Variants in GABBR2 observed in about 807,000 individuals in gnomAD.
GABBR2 encodes the protein G-protein coupled receptor 51.
GABBR2 carries 23 observed loss-of-function variants against 105.6 expected under a neutral mutation model. That is an observed-to-expected ratio of 0.22 (90% CI 0.16 to 0.31). GABBR2 has a LOEUF of 0.31. GABBR2 is among the 10% of genes least tolerant of loss of function. GABBR2 has a pLI of 1.00. For missense variants in GABBR2, 734 were observed against 1,245.5 expected (o/e 0.59, Z 6.18); for synonymous variants, 478 against 499.7 (o/e 0.96, Z 0.58).
intron 1 of GABBR2, among the ~76,000 whole-genome samples, chr9:98,660,153 T>C (rs1273777266): frequency 6.6e-6 from 1 of 152,214 alleles, no homozygotes; most frequent in East Asian, 1.9e-4. Flanking sequence ...CAATTCTTTC[T>C]CCTCGAACAT....
chr9:98,647,134 A>G lies in GABBR2; in HGVS notation c.321+61283T>C, dbSNP rs7847773. On this transcript the variant is annotated intron_variant, in intron 1 of 18. Transcript: ENST00000259455. ...TGAACAAACACAGGTGAAGTGCTGG[A>G]CTTCTGGAGATGCTAGAGGACTAGG... Among the ~76,000 whole-genome samples, 189 of 152,324 alleles carry G rather than the reference A, an allele frequency of 1.2e-3. 2 individuals are homozygous for G. The highest frequency in any genetic ancestry group is 4.4e-3 in the African/African-American group (182 of 41,572).
intron 1 of GABBR2, among the ~76,000 whole-genome samples, chr9:98,707,619 T>C (rs1830914171): frequency 6.6e-6 from 1 of 152,320 alleles, no homozygotes; most frequent in East Asian, 1.9e-4. Context: ...AAGTCTGTGC[T>C]CCGGCTGCTA....
At chr9:98,600,465 G>A (rs1291811732) in intron 1 of GABBR2, among the ~76,000 whole-genome samples, 1 of 152,180 alleles carries the variant, frequency 6.6e-6, no homozygotes, top group Non-Finnish European at 1.5e-5. Context: ...CCCCTAAAAT[G>A]TGGTCAGTGT....
chr9:98,478,332 G>C (rs1385812158), intron 5 of GABBR2, among the ~76,000 whole-genome samples: 2 of 152,044 alleles, frequency 1.3e-5, no homozygotes, highest in Non-Finnish European at 2.9e-5. Context: ...TATCAGTCTT[G>C]ATCCAGCGTG....
intron 1 of GABBR2, among the ~76,000 whole-genome samples, chr9:98,578,784 G>C (rs370943743): frequency 9.9e-5 from 15 of 152,208 alleles, no homozygotes; most frequent in African/African-American, 3.1e-4. Flanking sequence ...GCCTGGAAAA[G>C]GAAGGAAATT....
intron 2 of GABBR2, among the ~76,000 whole-genome samples, chr9:98,568,764 G>A (rs1399564762): frequency 6.6e-6 from 1 of 152,186 alleles, no homozygotes; most frequent in Non-Finnish European, 1.5e-5. Flanking sequence ...AGACTTCTCT[G>A]TCCTGAAAAC....
chr9:98,528,006 C>T (rs1466903329), intron 3 of GABBR2, among the ~76,000 whole-genome samples: 1 of 152,080 alleles, frequency 6.6e-6, no homozygotes, highest in East Asian at 1.9e-4. Flanking sequence ...CGCTTGAAAT[C>T]CTAATGACAC....
chr9:98,584,052 G>A (rs1312723895), intron 1 of GABBR2, among the ~76,000 whole-genome samples: 1 of 152,188 alleles, frequency 6.6e-6, no homozygotes, highest in African/African-American at 2.4e-5. Context: ...GGTTTTTGAT[G>A]AATTGCTCTC....
At chr9:98,373,761 AG>A (rs1831825145) in intron 11 of GABBR2, among the ~76,000 whole-genome samples, 1 of 152,180 alleles carries the variant, frequency 6.6e-6, no homozygotes, top group Non-Finnish European at 1.5e-5. Flanking sequence ...AAAAGGACAA[AG>A]ATGAAGTAAT....
chr9:98,672,236 G>A (rs764467266), intron 1 of GABBR2, among the ~76,000 whole-genome samples: 1 of 151,796 alleles, frequency 6.6e-6, no homozygotes, highest in African/African-American at 2.4e-5. Flanking sequence ...CAGCCCTGGC[G>A]ACCACCATTC....
chr9:98,504,968 C>G (rs935496297), intron 3 of GABBR2, among the ~76,000 whole-genome samples: 2 of 152,232 alleles, frequency 1.3e-5, no homozygotes, highest in Non-Finnish European at 2.9e-5. Context: ...AAGCCGACTT[C>G]AAACACAGGA....
chr9:98,311,488 C>T (rs2131362617), intron 13 of GABBR2, among the ~76,000 whole-genome samples: 1 of 152,366 alleles, frequency 6.6e-6, no homozygotes, highest in South Asian at 2.1e-4. Context: ...GGAACTGGGT[C>T]ACTTCTTTGC....
At chr9:98,560,983 C>G (rs966561797) in intron 2 of GABBR2, among the ~76,000 whole-genome samples, 3 of 151,788 alleles carry the variant, frequency 2.0e-5, no homozygotes, top group Non-Finnish European at 4.4e-5. Flanking sequence ...AACAATAATT[C>G]AGTATCATCT....
chr9:98,396,246 G>A lies in GABBR2; in HGVS notation c.1298-1991C>T, dbSNP rs76809998. Among the ~76,000 whole-genome samples, 807 of 152,310 alleles carry A rather than the reference G, an allele frequency of 5.3e-3. 8 individuals are homozygous for A. Among genetic ancestry groups the A allele is most frequent in the African/African-American group, 0.018 (767 of 41,556 alleles). ...CCCCAGATGAAAGCCTCTGTGAAGT[G>A]CAGGCGGGTCCCTTCCAGAGCTGCA... On this transcript the variant is annotated intron_variant, in intron 8 of 18. Coordinates refer to ENST00000259455, the MANE Select transcript of GABBR2 (RefSeq NM_005458.8).
intron 6 of GABBR2, among the ~76,000 whole-genome samples, chr9:98,462,743 TCA>T (rs1436776709): frequency 1.3e-5 from 2 of 152,170 alleles, no homozygotes; most frequent in Non-Finnish European, 2.9e-5. Context: ...AAGCTGTTTG[TCA>T]CAGAGTCTAC....
intron 7 of GABBR2, among the ~76,000 whole-genome samples, chr9:98,452,528 A>C (rs184403490): frequency 6.6e-6 from 1 of 152,356 alleles, no homozygotes; most frequent in East Asian, 1.9e-4. Flanking sequence ...TAATAAGAGC[A>C]CCTACTTCCT....
At chr9:98,456,759 C>A (rs1486061114) in intron 6 of GABBR2, among the ~76,000 whole-genome samples, 1 of 152,156 alleles carries the variant, frequency 6.6e-6, no homozygotes, top group Non-Finnish European at 1.5e-5. Context: ...ATTTTTAACT[C>A]AATTGTCAGT....
intron 1 of GABBR2, among the ~76,000 whole-genome samples, chr9:98,693,263 AC>A (rs1564153412): frequency 2.0e-5 from 3 of 152,182 alleles, no homozygotes; most frequent in African/African-American, 7.2e-5. Context: ...CTCCAGGGCC[AC>A]CCACTCAGGG....
chr9:98,581,339 A>G (rs183435970), intron 1 of GABBR2, among the ~76,000 whole-genome samples: 1 of 152,356 alleles, frequency 6.6e-6, no homozygotes, highest in East Asian at 1.9e-4. Context: ...GTGGCCAGGG[A>G]GAAGGCTTAG....
Sources: gnomAD v4.1 joint callset for allele counts (sites outside exome capture counted in the v4.1 genomes callset) on GRCh38, gnomAD v4.1.1 for gene constraint, MANE v1.5 for transcripts, NCBI Gene and HGNC (gene_info 2026-07-23, HGNC 2026-07-21) for gene names.